The following GABRG3 variants were observed in gnomAD, a reference collection of about 807,000 sequenced individuals.
GABRG3 encodes gamma-aminobutyric acid receptor subunit gamma-3.
In GABRG3, 25 loss-of-function variants were observed where a neutral mutation model predicts 48.8. That is an observed-to-expected ratio of 0.51 (90% CI 0.37 to 0.72). The LOEUF is 0.72. GABRG3 is among the 30% of genes least tolerant of loss of function. The probability of loss-of-function intolerance (pLI) is 0.00; values close to 1 mark genes in which losing one functional copy is unlikely to be tolerated. For synonymous variants in GABRG3, 227 were observed against 217.6 expected, an observed-to-expected ratio of 1.04 and a Z score of -0.38; for missense variants, 394 against 577.9, an observed-to-expected ratio of 0.68 and a Z score of 3.26.
chr15:27,012,643 T>C (rs956310368), intron 2 of GABRG3, among the ~76,000 whole-genome samples: 3 of 152,176 alleles, frequency 2.0e-5, no homozygotes, highest in African/African-American at 7.2e-5. Flanking sequence ...ATATCCAAGG[T>C]AGACTCTTCT....
chr15:27,336,392 A>G (rs1893978755), intron 5 of GABRG3, among the ~76,000 whole-genome samples: 1 of 152,212 alleles, frequency 6.6e-6, no homozygotes, highest in Non-Finnish European at 1.5e-5. Flanking sequence ...CAAAGGTGAT[A>G]TTTACATGGA....
intron 3 of GABRG3, among the ~76,000 whole-genome samples, chr15:27,167,352 C>T (rs909626157): frequency 6.6e-6 from 1 of 152,148 alleles, no homozygotes; most frequent in Non-Finnish European, 1.5e-5. Context: ...CTGTAGCTCC[C>T]GTGAGAAAGG....
chr15:27,461,835 C>G (rs1389087054), intron 5 of GABRG3, among the ~76,000 whole-genome samples: 1 of 152,144 alleles, frequency 6.6e-6, no homozygotes, highest in Admixed American at 6.5e-5. Context: ...AATACTAGAG[C>G]CAAAAACAGT....
intron 3 of GABRG3, among the ~76,000 whole-genome samples, chr15:27,056,367 AAAAAAAGAAAAG>A (rs1170067305): frequency 3.3e-5 from 5 of 150,940 alleles, no homozygotes; most frequent in Non-Finnish European, 7.4e-5. Context: ...AAAAAAAAAA[AAAAAAAGAAAAG>A]AAAAAAGAAA....
intron 2 of GABRG3, among the ~76,000 whole-genome samples, chr15:27,008,385 C>T (rs1002339408): frequency 6.6e-6 from 1 of 152,160 alleles, no homozygotes; most frequent in African/African-American, 2.4e-5. Flanking sequence ...GTGACTTTTT[C>T]TTGTCACTCA....
At chr15:27,109,769 C>T (rs1897512887) in intron 3 of GABRG3, among the ~76,000 whole-genome samples, 1 of 152,142 alleles carries the variant, frequency 6.6e-6, no homozygotes, top group Admixed American at 6.6e-5. Context: ...GTGGTCCCAG[C>T]TACTCGGGAG....
chr15:27,213,485 G>A (rs1397342005), intron 3 of GABRG3, among the ~76,000 whole-genome samples: 2 of 152,176 alleles, frequency 1.3e-5, no homozygotes, highest in Admixed American at 6.5e-5. Context: ...TTTCCTCATA[G>A]CGTTAAAACA....
chr15:27,306,903 A>T (rs1467206493), intron 3 of GABRG3, among the ~76,000 whole-genome samples: 4 of 112,972 alleles, frequency 3.5e-5, no homozygotes, highest in Non-Finnish European at 5.1e-5. Context: ...AAACATGTTT[A>T]TATATAAACA....
At chr15:27,118,579 A>G (rs894604501) in intron 3 of GABRG3, among the ~76,000 whole-genome samples, 3 of 152,162 alleles carry the variant, frequency 2.0e-5, no homozygotes, top group Non-Finnish European at 2.9e-5. Flanking sequence ...TAAGAGTTCC[A>G]CTCTGAAGCT....
chr15:27,424,615 A>G (rs1888234839), intron 5 of GABRG3, among the ~76,000 whole-genome samples: 1 of 145,864 alleles, frequency 6.9e-6, no homozygotes. Flanking sequence ...GTGCAATGGC[A>G]TGATCTCAGC....
intron 5 of GABRG3, among the ~76,000 whole-genome samples, chr15:27,345,837 T>G (rs1226890279): frequency 1.3e-5 from 2 of 152,030 alleles, no homozygotes; most frequent in Non-Finnish European, 2.9e-5. Context: ...GGGGATCCCC[T>G]GAGGTCAGGA....
intron 3 of GABRG3, among the ~76,000 whole-genome samples, chr15:27,086,566 A>G (rs2140749595): frequency 6.6e-6 from 1 of 152,340 alleles, no homozygotes; most frequent in East Asian, 1.9e-4. Flanking sequence ...ACTGTAATTA[A>G]TGTCAACATG....
intron 3 of GABRG3, among the ~76,000 whole-genome samples, chr15:27,240,523 C>A (rs1890101261): frequency 6.6e-6 from 1 of 152,114 alleles, no homozygotes; most frequent in Admixed American, 6.5e-5. Flanking sequence ...TGCATAAGAA[C>A]AATGAAATGA....
At chr15:27,011,274 C>CTTT in intron 2 of GABRG3, among the ~76,000 whole-genome samples, 1 of 152,284 alleles carries the variant, frequency 6.6e-6, no homozygotes, top group African/African-American at 2.4e-5. Flanking sequence ...TTTATTGTGA[C>CTTT]GTGTACAACT....
chr15:27,153,110 C>G (rs142295075), intron 3 of GABRG3, among the ~76,000 whole-genome samples: 1 of 152,196 alleles, frequency 6.6e-6, no homozygotes, highest in Non-Finnish European at 1.5e-5. Flanking sequence ...ATCCGCCCGC[C>G]TCGGCCTCCC....
chr15:27,369,526 T>G (rs1449363906), intron 5 of GABRG3, among the ~76,000 whole-genome samples: 1 of 152,102 alleles, frequency 6.6e-6, no homozygotes, highest in African/African-American at 2.4e-5. Context: ...CACTATGAAA[T>G]TATGGTATTG....
intron 5 of GABRG3, among the ~76,000 whole-genome samples, chr15:27,431,386 C>G (rs947632781): frequency 6.6e-6 from 1 of 152,102 alleles, no homozygotes; most frequent in African/African-American, 2.4e-5. Flanking sequence ...TTGTGAACTG[C>G]AGCTTTACTG....
chr15:27,482,857 T>G (rs1189650814), intron 6 of GABRG3, among the ~76,000 whole-genome samples: 1 of 152,202 alleles, frequency 6.6e-6, no homozygotes, highest in African/African-American at 2.4e-5. Context: ...CCAGGCCCTG[T>G]GAGGTGGTCT....
intron 3 of GABRG3, among the ~76,000 whole-genome samples, chr15:27,067,234 T>C (rs1342728981): frequency 6.6e-6 from 1 of 152,150 alleles, no homozygotes; most frequent in Non-Finnish European, 1.5e-5. Flanking sequence ...GTCACCCAGA[T>C]AAAAGCCACC....
Sources: gnomAD v4.1 joint callset for allele counts (sites outside exome capture counted in the v4.1 genomes callset) on GRCh38, gnomAD v4.1.1 for gene constraint, MANE v1.5 for transcripts, NCBI Gene and HGNC (gene_info 2026-07-23, HGNC 2026-07-21) for gene names.